CANX: variants seen among roughly 807,000 people sequenced by gnomAD.
The protein encoded by CANX is epididymis secretory sperm binding protein.
Under a neutral mutation model 75.7 loss-of-function variants are expected in CANX, and 14 were observed. The ratio of observed to expected loss-of-function variants is 0.19; its 90% CI spans 0.12 to 0.29. The LOEUF (loss-of-function observed/expected upper bound fraction) is 0.29, where lower values mean the gene tolerates loss of function less well. CANX is among the 10% of genes least tolerant of loss of function. The pLI is 1.00. For synonymous variants in CANX, 227 were observed against 236.9 expected (o/e 0.96, Z 0.38); for missense variants, 567 against 713.2 (o/e 0.79, Z 2.34).
At chr5:179,711,058 C>T (rs1011001959) in intron 7 of CANX, among the ~76,000 whole-genome samples, 1 of 151,376 alleles carries the variant, frequency 6.6e-6, no homozygotes, top group Non-Finnish European at 1.5e-5. Context: ...TTCTGTACCC[C>T]CTCCACGAAA....
chr5:179,692,222 G>A (rs1269145864), intron 1 of CANX, among the ~76,000 whole-genome samples: 2 of 151,588 alleles, frequency 1.3e-5, no homozygotes, highest in Non-Finnish European at 2.9e-5. Context: ...CTACAGGTAC[G>A]CACCACCATG....
chr5:179,689,379 G>GTTTTTTTTTTTTT lies in CANX; in HGVS notation c.-4+10615_-4+10627dup, dbSNP rs958473912. 1.3e-4 allele frequency among the ~76,000 whole-genome samples: 11 copies of GTTTTTTTTTTTTT among 83,674 alleles called. 1 individual carries two copies. Among genetic ancestry groups the GTTTTTTTTTTTTT allele is most frequent in the South Asian group, 1.1e-3 (2 of 1,866 alleles). The allele number at this position is 83,674 out of a possible 152,430, so 54.9% of individuals were successfully genotyped here. A position where few individuals can be genotyped will look rare whatever the true frequency, so the allele number is the denominator to read the frequency against. On this transcript the variant is annotated intron_variant, in intron 1 of 14. Transcript: ENST00000681674. ...AAGAGAAAGCTACAAAACCCAACAAGTTTTTTTTTTTTTTTTTTTTTTTTT... is the reference window on the plus strand; with the variant it reads ...AAGAGAAAGCTACAAAACCCAACAAGTTTTTTTTTTTTTTTTTTTTTTTTTTTTTTTTTTTTTT...
chr5:179,685,777 A>G (rs1776180793), intron 1 of CANX, among the ~76,000 whole-genome samples: 1 of 150,758 alleles, frequency 6.6e-6, no homozygotes, highest in Admixed American at 6.6e-5. Context: ...CTGGTCTCAA[A>G]CTCCAGACTT....
Position 179,716,109 on chromosome 5 carries a change from G to A in CANX, c.726G>A (p.Leu242=). The part of the protein sequence containing the change: ...DKKTHLYTLI[L]NPDNSFEILV... ...TCCATTTAATGTTTCTTTCAGTCTTGAATCCAGATAATAGTTTTGAAATAC... is the reference window on the plus strand; with the variant it reads ...TCCATTTAATGTTTCTTTCAGTCTTAAATCCAGATAATAGTTTTGAAATAC... Residue 242 remains leucine (L), a synonymous_variant, in exon 8 of 15, where the codon TTG becomes TTA. Transcript: ENST00000247461. 2 of 1,602,336 alleles carry A rather than the reference G, an allele frequency of 1.2e-6. No individual in the cohort carries two copies. Among genetic ancestry groups the A allele is most frequent in the East Asian group, 4.5e-5 (2 of 44,816 alleles).
intron 8 of CANX, among the ~76,000 whole-genome samples, chr5:179,716,832 C>A (rs1777988414): frequency 6.6e-6 from 1 of 152,002 alleles, no homozygotes; most frequent in African/African-American, 2.4e-5. Context: ...ACCAGGTGTA[C>A]CTAAACTAGG....
intron 1 of CANX, among the ~76,000 whole-genome samples, chr5:179,703,209 G>T (rs1776887233): frequency 6.6e-6 from 1 of 151,050 alleles, no homozygotes; most frequent in Non-Finnish European, 1.5e-5. Context: ...CACCGCGCCT[G>T]GTGGAGTGGT....
chr5:179,681,997 T>A (rs1213428453), intron 1 of CANX, among the ~76,000 whole-genome samples: 2 of 142,848 alleles, frequency 1.4e-5, no homozygotes, highest in African/African-American at 2.6e-5. Context: ...TGCCTGTAAA[T>A]CCCAGCACTT....
Position 179,699,036 on chromosome 5 carries a change from C to G in CANX, c.-70C>G. 1.8e-6 allele frequency: 2 copies of G among 1,112,370 alleles called. No individual in the cohort carries two copies. The highest frequency in any genetic ancestry group is 2.2e-6 in the Non-Finnish European group (2 of 904,268). 68.9% of individuals were successfully genotyped at this position (1,112,370 alleles called of 1,614,324 possible). On this transcript the variant is annotated 5_prime_UTR_variant, in exon 1 of 15. Coordinates refer to ENST00000247461, the MANE Select transcript of CANX (RefSeq NM_001746.4). ...GCCGCCTCCGCCTCTCTCTTTACTGCGGCGCGGGGCAAGGTGTGCGGGCGG... is the reference window on the plus strand; with the variant it reads ...GCCGCCTCCGCCTCTCTCTTTACTGGGGCGCGGGGCAAGGTGTGCGGGCGG...
At chr5:179,686,239 A>G (rs1247842133) in intron 1 of CANX, among the ~76,000 whole-genome samples, 1 of 130,186 alleles carries the variant, frequency 7.7e-6, no homozygotes, top group Non-Finnish European at 1.7e-5. Context: ...CTGGGATTAC[A>G]GGCACGCGCC....
chr5:179,678,717 A>C, exon 1 of CANX: 2 of 1,536,970 alleles, frequency 1.3e-6, no homozygotes, highest in Non-Finnish European at 1.7e-6. Flanking sequence ...TTCTCCAGCA[A>C]GTGCATGCGC....
chr5:179,683,095 T>C (rs1776110944), intron 1 of CANX, among the ~76,000 whole-genome samples: 2 of 152,212 alleles, frequency 1.3e-5, no homozygotes, highest in South Asian at 2.1e-4. Context: ...GTAATAGTTT[T>C]ATTGAGGTAT....
chr5:179,726,676 T>A lies in CANX; in HGVS notation c.1646-4T>A, dbSNP rs1013166964. ...TTTGCTCAGTTGTTTAACTTCTGTC[T>A]TAGAAGAGAAACAGAAAAGTGATGC... On this transcript the variant is annotated splice_region_variant and splice_polypyrimidine_tract_variant and intron_variant, in intron 13 of 14. Coordinates refer to ENST00000247461, the MANE Select transcript of CANX (RefSeq NM_001746.4). 3 of 1,607,714 alleles carry A rather than the reference T, an allele frequency of 1.9e-6. No individual in the cohort carries two copies. The highest frequency in any genetic ancestry group is 2.6e-6 in the Non-Finnish European group (3 of 1,174,242).
intron 1 of CANX, among the ~76,000 whole-genome samples, chr5:179,701,466 G>C: frequency 6.6e-6 from 1 of 151,674 alleles, no homozygotes; most frequent in Non-Finnish European, 1.5e-5. Flanking sequence ...AGCTACTCGG[G>C]AGGCTGAGGC....
intron 1 of CANX, chr5:179,704,192 A>G (rs1365795991): frequency 6.6e-6 from 1 of 152,174 alleles, no homozygotes; most frequent in Non-Finnish European, 1.5e-5. Flanking sequence ...CACTACCCCA[A>G]GACACATCTA....
At chr5:179,685,714 C>CTGTATTTT (rs1776179652) in intron 1 of CANX, among the ~76,000 whole-genome samples, 1 of 133,702 alleles carries the variant, frequency 7.5e-6, no homozygotes, top group African/African-American at 2.5e-5. Context: ...GCCACCACGC[C>CTGTATTTT]CAGCTAATTT....
intron 1 of CANX, chr5:179,700,961 C>G (rs1776707307): frequency 1.3e-5 from 2 of 151,670 alleles, no homozygotes; most frequent in South Asian, 4.2e-4. Context: ...CTCCCGGGTT[C>G]ACGCCATTCT....
At chr5:179,699,543 A>G (rs1776592259) in intron 1 of CANX, 1 of 152,258 alleles carries the variant, frequency 6.6e-6, no homozygotes, top group South Asian at 2.1e-4. Context: ...GTTTACAACT[A>G]GCGTTACAGT....
At chr5:179,709,617 A>C (rs1777388442) in intron 6 of CANX, 2 of 274,042 alleles carry the variant, frequency 7.3e-6, no homozygotes, top group Non-Finnish European at 1.4e-5. Flanking sequence ...TGGCAAGCTT[A>C]TTTCTTTGTT....
At chr5:179,701,948 C>G (rs1033876791) in intron 1 of CANX, among the ~76,000 whole-genome samples, 3 of 151,858 alleles carry the variant, frequency 2.0e-5, no homozygotes, top group Admixed American at 6.6e-5. Flanking sequence ...ACCGGGTTGT[C>G]CAGGCTGGTT....
Sources: gnomAD v4.1 joint callset for allele counts (sites outside exome capture counted in the v4.1 genomes callset) on GRCh38, gnomAD v4.1.1 for gene constraint, MANE v1.5 for transcripts, NCBI Gene and HGNC (gene_info 2026-07-23, HGNC 2026-07-21) for gene names.